Variants in IL1RAPL1 observed in about 807,000 individuals in gnomAD.
IL1RAPL1 encodes interleukin-1 receptor accessory protein-like 1.
Under a neutral mutation model 48.4 loss-of-function variants are expected in IL1RAPL1, and 3 were observed. That is an observed-to-expected ratio of 0.06 (90% CI 0.03 to 0.16). The LOEUF (loss-of-function observed/expected upper bound fraction) is 0.16. Among genes scored for constraint, IL1RAPL1 ranks in the 10% least tolerant of loss-of-function variants. The probability of loss-of-function intolerance (pLI) is 1.00; values close to 1 mark genes in which losing one functional copy is unlikely to be tolerated. For missense variants in IL1RAPL1, 349 were observed against 530.6 expected (o/e 0.66, Z 3.36); for synonymous variants, 185 against 187.7 (o/e 0.99, Z 0.12).
At chrX:29,354,630 A>G (rs1313253451) in intron 3 of IL1RAPL1, among the ~76,000 whole-genome samples, 1 of 112,077 alleles carries the variant, frequency 8.9e-6, no homozygotes, top group Non-Finnish European at 1.9e-5. Flanking sequence ...CACAAATATC[A>G]CTAGCCCAGG....
intron 2 of IL1RAPL1, among the ~76,000 whole-genome samples, chrX:28,900,397 C>T (rs1490259036): frequency 9.0e-6 from 1 of 111,235 alleles, no homozygotes; most frequent in Non-Finnish European, 1.9e-5. Flanking sequence ...AGTTTTTCTA[C>T]AAAAATCAAG....
At chrX:28,694,926 C>T (rs1935214651) in intron 1 of IL1RAPL1, among the ~76,000 whole-genome samples, 1 of 111,005 alleles carries the variant, frequency 9.0e-6, no homozygotes, top group South Asian at 3.8e-4. Context: ...CTTAACCATC[C>T]ATGTTGTCTT....
intron 2 of IL1RAPL1, among the ~76,000 whole-genome samples, chrX:29,122,700 T>A (rs1402839630): frequency 1.8e-5 from 2 of 111,235 alleles, no homozygotes; most frequent in African/African-American, 3.3e-5. Context: ...AAGATTAAGT[T>A]AAACATGTCG....
chrX:29,273,909 C>A (rs1157224318), intron 2 of IL1RAPL1, among the ~76,000 whole-genome samples: 1 of 111,842 alleles, frequency 8.9e-6, no homozygotes, highest in Non-Finnish European at 1.9e-5. Flanking sequence ...AATCATTTCA[C>A]AATACATATA....
At chrX:28,791,503 A>G (rs981868751) in intron 2 of IL1RAPL1, among the ~76,000 whole-genome samples, 2 of 112,046 alleles carry the variant, frequency 1.8e-5, no homozygotes, top group African/African-American at 6.5e-5. Context: ...TGGTAATAAG[A>G]TGCTGTGCTA....
At chrX:28,767,536 T>C (rs1426246861) in intron 1 of IL1RAPL1, among the ~76,000 whole-genome samples, 1 of 111,705 alleles carries the variant, frequency 9.0e-6, no homozygotes, top group African/African-American at 3.3e-5. Context: ...ATTAGGGATT[T>C]TTTTTCCCTT....
chrX:29,321,881 A>G (rs1734522689), intron 3 of IL1RAPL1, among the ~76,000 whole-genome samples: 2 of 111,969 alleles, frequency 1.8e-5, no homozygotes, highest in South Asian at 7.3e-4. Context: ...AAACATAAGC[A>G]ATACAAATCA....
At chrX:29,344,440 A>G (rs777165894) in intron 3 of IL1RAPL1, among the ~76,000 whole-genome samples, 10 of 111,790 alleles carry the variant, frequency 8.9e-5, no homozygotes, top group African/African-American at 3.2e-4. Flanking sequence ...TTACATAGCT[A>G]TTTGCCTTGA....
At chrX:29,553,938 T>A (rs1410322010) in intron 5 of IL1RAPL1, among the ~76,000 whole-genome samples, 8 of 110,836 alleles carry the variant, frequency 7.2e-5, no homozygotes, top group Admixed American at 5.8e-4. Context: ...TTTTTTTTTT[T>A]TTATTCGAGG....
At chrX:29,589,361 G>T (rs1166901498) in intron 5 of IL1RAPL1, among the ~76,000 whole-genome samples, 1 of 111,617 alleles carries the variant, frequency 9.0e-6, no homozygotes, top group Non-Finnish European at 1.9e-5. Context: ...ACTGCTCTAG[G>T]TGCTAGGGAT....
intron 2 of IL1RAPL1, among the ~76,000 whole-genome samples, chrX:28,893,991 A>G (rs5943469): frequency 0.43 from 47,606 of 110,800 alleles, 7,302 homozygotes; most frequent in Middle Eastern, 0.59. Context: ...CCTTATCAGC[A>G]TAAGCGTTGC....
intron 1 of IL1RAPL1, among the ~76,000 whole-genome samples, chrX:28,779,630 GTGTGTATATATATATATATATATATA>G (rs1360747859): frequency 2.6e-4 from 16 of 61,194 alleles, no homozygotes; most frequent in African/African-American, 7.2e-4. Context: ...GTGTGTGTGT[GTGTGTATATATATATATATATATATA>G]TATATATATA....
At chrX:29,300,670 T>C (rs769298672) in intron 3 of IL1RAPL1, among the ~76,000 whole-genome samples, 10 of 112,284 alleles carry the variant, frequency 8.9e-5, no homozygotes, top group African/African-American at 2.6e-4. Context: ...TTAACCTTGT[T>C]GACACAGTGT....
At chrX:29,335,920 A>G (rs1212326955) in intron 3 of IL1RAPL1, among the ~76,000 whole-genome samples, 1 of 110,428 alleles carries the variant, frequency 9.1e-6, no homozygotes, top group Non-Finnish European at 1.9e-5. Flanking sequence ...AGTATCCTTG[A>G]TTGTGTTGTA....
intron 2 of IL1RAPL1, among the ~76,000 whole-genome samples, chrX:29,281,362 A>C (rs773893838): frequency 9.0e-6 from 1 of 111,658 alleles, no homozygotes; most frequent in African/African-American, 3.3e-5. Flanking sequence ...TGATGATGAT[A>C]ATGTTGATGT....
chrX:29,872,230 T>A (rs1931813671), intron 6 of IL1RAPL1, among the ~76,000 whole-genome samples: 1 of 111,603 alleles, frequency 9.0e-6, no homozygotes, highest in African/African-American at 3.3e-5. Flanking sequence ...TGATTATCCA[T>A]GACATCAATT....
intron 2 of IL1RAPL1, among the ~76,000 whole-genome samples, chrX:29,213,410 T>C (rs1485432489): frequency 8.9e-6 from 1 of 112,864 alleles, no homozygotes; most frequent in Non-Finnish European, 1.9e-5. Flanking sequence ...TTTCTACCCA[T>C]GCCTCAAACT....
Position 29,089,567 on chromosome X carries a change from CT to C in IL1RAPL1, c.83-193362del, listed in dbSNP as rs72154648. 1.0e-4 allele frequency among the ~76,000 whole-genome samples: 10 copies of C among 100,347 alleles called. No individual in the cohort carries two copies. In the East Asian group the frequency reaches 2.3e-3, roughly 23 times the overall value. 87.1% of individuals were successfully genotyped at this position (100,347 alleles called of 115,157 possible). A position where few individuals can be genotyped will look rare whatever the true frequency, so the allele number is the denominator to read the frequency against. Reference sequence around the variant, plus strand: ...CAGCATGTTTTTAATATGTTTGTACCTTTTTTTTTATTTCATATTTTGTGAT... The same window carrying C: ...CAGCATGTTTTTAATATGTTTGTACCTTTTTTTTATTTCATATTTTGTGAT... On this transcript the variant is annotated intron_variant, in intron 2 of 10. Transcript: ENST00000378993.
At chrX:29,542,435 G>T (rs1254644599) in intron 5 of IL1RAPL1, among the ~76,000 whole-genome samples, 1 of 111,611 alleles carries the variant, frequency 9.0e-6, no homozygotes, top group East Asian at 2.8e-4. Flanking sequence ...AAGTAGTTCT[G>T]AGATTATTAT....
Sources: allele counts gnomAD v4.1 joint callset (sites outside exome capture counted in the v4.1 genomes callset), GRCh38; gene constraint gnomAD v4.1.1; transcripts MANE v1.5; gene names NCBI Gene and HGNC (gene_info 2026-07-23, HGNC 2026-07-21).